STK32A: variants seen among roughly 807,000 people sequenced by gnomAD.
The protein encoded by STK32A is serine/threonine kinase 32A, also known as serine/threonine-protein kinase 32A.
A neutral mutation model predicts 53.2 loss-of-function variants in STK32A; 41 were observed. That is an observed-to-expected ratio of 0.77 (90% CI 0.60 to 1.00). The LOEUF (loss-of-function observed/expected upper bound fraction) is 1.00. Among genes scored for constraint, STK32A ranks in the 50% least tolerant of loss-of-function variants. The probability of loss-of-function intolerance (pLI) is 0.00; values close to 1 mark genes in which losing one functional copy is unlikely to be tolerated. For synonymous variants in STK32A, 166 were observed against 162.8 expected (o/e 1.02, Z -0.15); for missense variants, 458 against 485.8 (o/e 0.94, Z 0.54).
intron 4 of STK32A, among the ~76,000 whole-genome samples, chr5:147,286,030 C>T (rs1752314106): frequency 6.6e-6 from 1 of 151,958 alleles, no homozygotes; most frequent in Non-Finnish European, 1.5e-5. Flanking sequence ...CCCAAATGCC[C>T]ATCAATCAAT....
chr5:147,249,705 G>T lies in STK32A; in HGVS notation c.52+10019G>T, dbSNP rs1753899753. 2.0e-5 allele frequency among the ~76,000 whole-genome samples: 3 copies of T among 152,040 alleles called. No homozygotes were observed. In the South Asian group the frequency reaches 6.2e-4, roughly 32 times the overall value. ...AGGGGGGTGGATCGCCTGAGGTCAG[G>T]AGTTCAAGACCAGCCTGGCCAACAT... On this transcript the variant is annotated intron_variant, in intron 2 of 12. Coordinates refer to ENST00000397936, the MANE Select transcript of STK32A (RefSeq NM_001112724.2).
intron 4 of STK32A, among the ~76,000 whole-genome samples, chr5:147,318,026 C>T (rs535211022): frequency 6.6e-6 from 1 of 152,144 alleles, no homozygotes; most frequent in Admixed American, 6.5e-5. Context: ...TATAATCCCA[C>T]CATTTATGTA....
chr5:147,283,721 A>G (rs151059777), intron 4 of STK32A, among the ~76,000 whole-genome samples: 38 of 152,284 alleles, frequency 2.5e-4, no homozygotes, highest in South Asian at 1.7e-3. Flanking sequence ...CTGGAAAAAT[A>G]TAACTCTCCT....
intron 5 of STK32A, among the ~76,000 whole-genome samples, chr5:147,328,655 C>T (rs1754717654): frequency 6.6e-6 from 1 of 152,106 alleles, no homozygotes; most frequent in Non-Finnish European, 1.5e-5. Context: ...CAAATAAATG[C>T]TTTAAATTAG....
chr5:147,378,431 T>C (rs1757315325), intron 11 of STK32A, among the ~76,000 whole-genome samples: 1 of 152,144 alleles, frequency 6.6e-6, no homozygotes, highest in African/African-American at 2.4e-5. Context: ...TTCAAAAGGC[T>C]TGTGACATTA....
rs898620163 is a variant in STK32A at position 147,243,216 on chromosome 5, T to C, written c.52+3530T>C. On this transcript the variant is annotated intron_variant, in intron 2 of 12. Transcript: ENST00000397936. ...ATGAGAAAAACATTTAACCAATAAT[T>C]TTCCCAAGTAATGTTTCAAGAATTC... 5.0e-5 allele frequency among the ~76,000 whole-genome samples: 6 copies of C among 120,280 alleles called. 2 individuals carry two copies. Among genetic ancestry groups the C allele is most frequent in the Admixed American group, 3.6e-4 (4 of 11,120 alleles). The allele number at this position is 120,280 out of a possible 152,430, so 78.9% of individuals were successfully genotyped here.
intron 2 of STK32A, among the ~76,000 whole-genome samples, chr5:147,253,039 C>G (rs981894180): frequency 9.2e-5 from 14 of 152,052 alleles, no homozygotes; most frequent in African/African-American, 3.4e-4. Flanking sequence ...TACGTCAATT[C>G]CTTGAAATTT....
At chr5:147,338,351 T>A (rs535478953) in intron 5 of STK32A, among the ~76,000 whole-genome samples, 1 of 152,278 alleles carries the variant, frequency 6.6e-6, no homozygotes, top group East Asian at 1.9e-4. Flanking sequence ...CTGCCATGAT[T>A]GTGAGGGCTC....
intron 2 of STK32A, among the ~76,000 whole-genome samples, chr5:147,255,660 C>T (rs1406464690): frequency 6.6e-6 from 1 of 152,164 alleles, no homozygotes; most frequent in Non-Finnish European, 1.5e-5. Flanking sequence ...ATGCAAACTA[C>T]CCCTCTTTCT....
In STK32A at chr5:147,375,079, C is replaced by T. The variant is rs199856619; in HGVS notation, c.904-11C>T. 188 of 1,595,540 alleles carry T rather than the reference C, an allele frequency of 1.2e-4. No individual in the cohort carries two copies. In the African/African-American group the frequency reaches 2.3e-3, roughly 20 times the overall value. On this transcript the variant is annotated splice_polypyrimidine_tract_variant and intron_variant, in intron 10 of 12. Coordinates refer to ENST00000397936, the MANE Select transcript of STK32A (RefSeq NM_001112724.2). ...GTAATCTGAGGATTGAGCCAACTGT[C>T]TTCCTTGCAGAAAGGCAGGCTGAAT...
At chr5:147,366,646 A>G (rs1287178567) in intron 8 of STK32A, among the ~76,000 whole-genome samples, 4 of 152,250 alleles carry the variant, frequency 2.6e-5, no homozygotes, top group Non-Finnish European at 5.9e-5. Flanking sequence ...ATTAGAAAAT[A>G]TAGAAAACCA....
the STK32A span, chr5:147,395,752 A>G: frequency 6.2e-7 from 1 of 1,611,318 alleles, no homozygotes. Flanking sequence ...GTCACCATTC[A>G]TTCATTCAGC....
At chr5:147,266,030 A>C (rs1172734301) in intron 2 of STK32A, among the ~76,000 whole-genome samples, 1 of 152,166 alleles carries the variant, frequency 6.6e-6, no homozygotes, top group Admixed American at 6.5e-5. Flanking sequence ...TTCTATCTCT[A>C]TTCTGACCAG....
chr5:147,241,291 A>C (rs1561662043), intron 2 of STK32A, among the ~76,000 whole-genome samples: 2 of 152,180 alleles, frequency 1.3e-5, no homozygotes, highest in African/African-American at 2.4e-5. Flanking sequence ...ATCCTGGCTA[A>C]CACGGTGAAA....
intron 2 of STK32A, among the ~76,000 whole-genome samples, chr5:147,240,563 T>C (rs1172907474): frequency 1.3e-5 from 2 of 152,192 alleles, no homozygotes; most frequent in African/African-American, 4.8e-5. Context: ...TCAATTTTGT[T>C]ATCAATAAAG....
At chr5:147,258,243 T>C (rs1754328675) in intron 2 of STK32A, among the ~76,000 whole-genome samples, 1 of 151,348 alleles carries the variant, frequency 6.6e-6, no homozygotes, top group Admixed American at 6.6e-5. Context: ...ACAGAAAAAC[T>C]GTATGATACC....
chr5:147,284,988 T>G (rs1379530116), intron 4 of STK32A, among the ~76,000 whole-genome samples: 1 of 152,066 alleles, frequency 6.6e-6, no homozygotes, highest in African/African-American at 2.4e-5. Flanking sequence ...AGAACCTGCA[T>G]AGCCAAAGCA....
intron 2 of STK32A, among the ~76,000 whole-genome samples, chr5:147,250,305 G>A (rs886527974): frequency 6.6e-6 from 1 of 152,146 alleles, no homozygotes; most frequent in African/African-American, 2.4e-5. Flanking sequence ...GAAACATCTG[G>A]GATGGAGACA....
intron 4 of STK32A, among the ~76,000 whole-genome samples, chr5:147,282,303 C>G (rs1218500299): frequency 6.6e-6 from 1 of 152,124 alleles, no homozygotes; most frequent in Admixed American, 6.6e-5. Flanking sequence ...GCATCCTTTC[C>G]TGAACACACA....
Sources: allele counts gnomAD v4.1 joint callset (sites outside exome capture counted in the v4.1 genomes callset), GRCh38; gene constraint gnomAD v4.1.1; transcripts MANE v1.5; gene names NCBI Gene and HGNC (gene_info 2026-07-23, HGNC 2026-07-21).